The following RNF150 variants were observed in gnomAD, a reference collection of about 807,000 sequenced individuals.
RNF150 encodes ring finger protein 150.
RNF150 carries 24 observed loss-of-function variants against 39.3 expected under a neutral mutation model. The observed-to-expected ratio is 0.61, with a 90% CI of 0.44 to 0.86. The LOEUF (loss-of-function observed/expected upper bound fraction) is 0.86, where lower values mean the gene tolerates loss of function less well. Among genes scored for constraint, RNF150 ranks in the 40% least tolerant of loss-of-function variants. The pLI is 0.00. For missense variants in RNF150, 502 were observed against 587.8 expected, an observed-to-expected ratio of 0.85 and a Z score of 1.51; for synonymous variants, 255 against 227.3, an observed-to-expected ratio of 1.12 and a Z score of -1.10.
intron 1 of RNF150, among the ~76,000 whole-genome samples, chr4:141,036,568 C>T (rs749073380): frequency 1.3e-5 from 2 of 152,068 alleles, no homozygotes; most frequent in Admixed American, 6.6e-5. Context: ...TGGGTAATAA[C>T]GTGTTCCTGA....
chr4:141,103,245 T>G (rs1325629896), intron 1 of RNF150, among the ~76,000 whole-genome samples: 1 of 152,202 alleles, frequency 6.6e-6, no homozygotes, highest in African/African-American at 2.4e-5. Flanking sequence ...ATCTGCACAA[T>G]TGAGGAAAAT....
intron 1 of RNF150, among the ~76,000 whole-genome samples, chr4:141,067,106 G>A (rs1049922709): frequency 1.3e-5 from 2 of 152,148 alleles, no homozygotes; most frequent in Admixed American, 1.3e-4. Flanking sequence ...TGTCATATAT[G>A]TGGTCCATCA....
At chr4:141,009,672 T>C (rs910483595) in intron 1 of RNF150, among the ~76,000 whole-genome samples, 3 of 152,204 alleles carry the variant, frequency 2.0e-5, no homozygotes, top group Non-Finnish European at 4.4e-5. Flanking sequence ...TTAATTCAAA[T>C]TGCACCTATT....
intron 1 of RNF150, among the ~76,000 whole-genome samples, chr4:141,054,367 C>T (rs1035130911): frequency 9.9e-5 from 15 of 152,052 alleles, no homozygotes; most frequent in African/African-American, 3.6e-4. Flanking sequence ...TCGACTATTT[C>T]CTGTAGATTA....
chr4:140,959,153 G>A (rs1732911134), intron 2 of RNF150, among the ~76,000 whole-genome samples: 1 of 152,024 alleles, frequency 6.6e-6, no homozygotes, highest in Non-Finnish European at 1.5e-5. Flanking sequence ...TTATCCTCTT[G>A]CCTTATAACC....
At chr4:140,964,058 C>G (rs1031781755) in intron 2 of RNF150, among the ~76,000 whole-genome samples, 5 of 152,050 alleles carry the variant, frequency 3.3e-5, no homozygotes, top group African/African-American at 1.2e-4. Context: ...TTAGTTTATT[C>G]TGGAGATTCC....
At chr4:140,911,453 T>C (rs1730603071) in intron 5 of RNF150, 99 bp from the exon 6 acceptor site, 1 of 979,100 alleles carries the variant, frequency 1.0e-6, no homozygotes, top group African/African-American at 1.6e-5. Context: ...AAAATTAAGT[T>C]CTTTATTGTT....
intron 4 of RNF150, among the ~76,000 whole-genome samples, chr4:140,935,026 ATTT>A (rs1560975597): frequency 5.3e-4 from 14 of 26,648 alleles, no homozygotes; most frequent in African/African-American, 2.6e-3. Context: ...TATATTATAT[ATTT>A]ATAATATATA....
chr4:140,937,844 G>T (rs1731917260), intron 4 of RNF150, among the ~76,000 whole-genome samples: 1 of 151,954 alleles, frequency 6.6e-6, no homozygotes, highest in South Asian at 2.1e-4. Context: ...TTTAAAAACA[G>T]CTATAAATAG....
At chr4:141,089,326 C>A (rs920559566) in intron 1 of RNF150, among the ~76,000 whole-genome samples, 1 of 151,996 alleles carries the variant, frequency 6.6e-6, no homozygotes, top group Admixed American at 6.6e-5. Flanking sequence ...TATGGACCAG[C>A]GACTCTGGTT....
rs549609599 is a variant in RNF150, at chr4:140,942,070, C to T, written c.890+5584G>A. Among the ~76,000 whole-genome samples, 249 of 152,012 alleles carry T rather than the reference C, an allele frequency of 1.6e-3. 1 individual carries two copies. Among genetic ancestry groups the T allele is most frequent in the African/African-American group, 5.0e-3 (209 of 41,452 alleles). On this transcript the variant is annotated intron_variant, in intron 4 of 6. Coordinates refer to ENST00000515673, the MANE Select transcript of RNF150 (RefSeq NM_020724.2). ...GAGACGTTCTAGAGATGGACAGTGG[C>T]GATGGTTTCACAGCAAGGCAAATGT... is the stretch of plus-strand genomic sequence containing the variant.
At chr4:140,957,493 C>T (rs35617636) in intron 2 of RNF150, among the ~76,000 whole-genome samples, 9,662 of 152,232 alleles carry the variant, frequency 0.063, 574 homozygotes, top group East Asian at 0.31. Context: ...GTCGGTGTGG[C>T]GATTCCTCAG....
At chr4:141,094,733 C>G (rs1344392085) in intron 1 of RNF150, among the ~76,000 whole-genome samples, 1 of 152,232 alleles carries the variant, frequency 6.6e-6, no homozygotes, top group Non-Finnish European at 1.5e-5. Context: ...CATTTGCCCA[C>G]AGACTCTCAG....
intron 1 of RNF150, among the ~76,000 whole-genome samples, chr4:141,064,942 T>C (rs1260003988): frequency 6.6e-6 from 1 of 152,230 alleles, no homozygotes; most frequent in Non-Finnish European, 1.5e-5. Flanking sequence ...CTCCGCTCAC[T>C]GCAACCTCTG....
intron 2 of RNF150, among the ~76,000 whole-genome samples, chr4:140,953,968 C>A (rs1732646627): frequency 6.6e-6 from 1 of 152,098 alleles, no homozygotes; most frequent in Non-Finnish European, 1.5e-5. Context: ...AGTCTTGTAC[C>A]CAACCTGAAT....
chr4:140,911,510 A>G (rs547171308), intron 5 of RNF150, among the ~76,000 whole-genome samples, 156 bp from the exon 6 acceptor site: 1 of 152,330 alleles, frequency 6.6e-6, no homozygotes, highest in South Asian at 2.1e-4. Context: ...TATAGTTTCT[A>G]TAAGATTAAC....
intron 1 of RNF150, among the ~76,000 whole-genome samples, chr4:141,088,873 T>C (rs1296198485): frequency 6.6e-6 from 1 of 152,164 alleles, no homozygotes. Context: ...GCTAGATGTA[T>C]ATGTTTTCTT....
chr4:140,997,979 C>A (rs1425957676), intron 1 of RNF150, among the ~76,000 whole-genome samples: 2 of 152,086 alleles, frequency 1.3e-5, no homozygotes, highest in African/African-American at 4.8e-5. Flanking sequence ...TATGACCTAT[C>A]CAAAAATTAC....
At chr4:141,071,311 G>A (rs865778497) in intron 1 of RNF150, among the ~76,000 whole-genome samples, 22 of 151,036 alleles carry the variant, frequency 1.5e-4, no homozygotes, top group East Asian at 3.9e-4. Flanking sequence ...GCAGCGCACC[G>A]GCATGGCACA....
Sources: allele counts gnomAD v4.1 joint callset (sites outside exome capture counted in the v4.1 genomes callset), GRCh38; gene constraint gnomAD v4.1.1; transcripts MANE v1.5; gene names NCBI Gene and HGNC (gene_info 2026-07-23, HGNC 2026-07-21).